Variants in RHOA observed in about 807,000 individuals in gnomAD.
The protein encoded by RHOA is transforming protein RhoA.
RHOA carries 3 observed loss-of-function variants against 17.5 expected under a neutral mutation model. The observed-to-expected ratio is 0.17, with a 90% CI of 0.08 to 0.44. RHOA has a LOEUF of 0.44. RHOA is among the 20% of genes least tolerant of loss of function. The pLI is 0.99. For synonymous variants in RHOA, 98 were observed against 88.4 expected (o/e 1.11, Z -0.61); for missense variants, 56 against 242.3 (o/e 0.23, Z 5.10).
chr3:49,367,085 G>A (rs1245239501), intron 3 of RHOA: 4 of 152,182 alleles, frequency 2.6e-5, no homozygotes, highest in African/African-American at 4.8e-5. Flanking sequence ...GCTCACGCCT[G>A]TAATCCCAGC....
chr3:49,374,769 T>C (rs1311320037), intron 2 of RHOA, among the ~76,000 whole-genome samples: 1 of 151,108 alleles, frequency 6.6e-6, no homozygotes, highest in African/African-American at 2.4e-5. Context: ...AAGGACACCA[T>C]GTCAAATACA....
chr3:49,363,889 T>C (rs1253514951), intron 3 of RHOA, among the ~76,000 whole-genome samples: 1 of 151,702 alleles, frequency 6.6e-6, no homozygotes, highest in Non-Finnish European at 1.5e-5. Context: ...CACAAAAACA[T>C]ACAAAAACTT....
At chr3:49,363,146 C>T (rs946561946) in intron 3 of RHOA, among the ~76,000 whole-genome samples, 2 of 152,120 alleles carry the variant, frequency 1.3e-5, no homozygotes, top group African/African-American at 4.8e-5. Flanking sequence ...TGGCCGGGAG[C>T]GGTGGCTCAT....
chr3:49,382,989 G>C (rs1256443407), intron 1 of RHOA, among the ~76,000 whole-genome samples: 1 of 152,008 alleles, frequency 6.6e-6, no homozygotes, highest in Non-Finnish European at 1.5e-5. Flanking sequence ...AGGAGGCAAA[G>C]GTTGCAGTGA....
chr3:49,410,607 T>C (rs892322026), intron 1 of RHOA, among the ~76,000 whole-genome samples: 4 of 152,232 alleles, frequency 2.6e-5, no homozygotes, highest in Non-Finnish European at 4.4e-5. Flanking sequence ...ATGTCACTTG[T>C]GCCAAATGCT....
chr3:49,362,424 G>T, intron 4 of RHOA, 72 bp downstream of exon 4: 1 of 1,477,232 alleles, frequency 6.8e-7, no homozygotes, highest in Non-Finnish European at 9.0e-7. Context: ...GGTTCCTGCT[G>T]GGCTCCCCAA....
chr3:49,382,150 T>C lies in RHOA; in HGVS notation c.-2-6559A>G, dbSNP rs1165733419. Among the ~76,000 whole-genome samples the C allele has an allele frequency of 2.6e-5, 4 of 151,308 alleles. 1 individual carries two copies. In the South Asian group the frequency reaches 6.3e-4, roughly 24 times the overall value. On this transcript the variant is annotated intron_variant, in intron 1 of 4. Transcript: ENST00000418115. The stretch of plus-strand genomic sequence containing the variant: ...CTGGCTAACATAGTGAAATCCCGTC[T>C]CTACTAAAAATACAAAAAATTAGCC...
chr3:49,360,954 C>T (rs2047957812), intron 4 of RHOA: 1 of 359,946 alleles, frequency 2.8e-6, no homozygotes, highest in Non-Finnish European at 5.5e-6. Flanking sequence ...GCGCCTGTAA[C>T]CCCAGCTACT....
intron 1 of RHOA, among the ~76,000 whole-genome samples, chr3:49,386,337 T>A (rs1428623766): frequency 6.6e-6 from 1 of 152,304 alleles, no homozygotes; most frequent in South Asian, 2.1e-4. Context: ...CTCCCACCAC[T>A]ACTTTGTAGA....
chr3:49,409,601 C>T (rs1228627279), intron 1 of RHOA, among the ~76,000 whole-genome samples: 3 of 152,094 alleles, frequency 2.0e-5, no homozygotes, highest in African/African-American at 4.8e-5. Flanking sequence ...CTCTCTAAGA[C>T]AATTAAAAAG....
chr3:49,399,630 T>A (rs1310733656), intron 1 of RHOA, among the ~76,000 whole-genome samples: 3 of 151,102 alleles, frequency 2.0e-5, no homozygotes, highest in Non-Finnish European at 4.4e-5. Flanking sequence ...CAGGCTGCAG[T>A]GCTGGAGTGC....
At chr3:49,369,717 T>C (rs912800545) in intron 2 of RHOA, among the ~76,000 whole-genome samples, 18 of 148,632 alleles carry the variant, frequency 1.2e-4, no homozygotes, top group African/African-American at 4.5e-4. Context: ...CACTCCAGCA[T>C]GGGCGACAAA....
intron 3 of RHOA, among the ~76,000 whole-genome samples, chr3:49,364,951 CAA>C (rs2048030625): frequency 6.6e-6 from 1 of 151,984 alleles, no homozygotes; most frequent in African/African-American, 2.4e-5. Context: ...GCCTGCGTGA[CAA>C]GAGCAAAAGT....
intron 1 of RHOA, among the ~76,000 whole-genome samples, chr3:49,387,758 A>AC (rs2048426083): frequency 2.6e-5 from 4 of 151,582 alleles, no homozygotes; most frequent in Admixed American, 1.3e-4. Flanking sequence ...AAAAACAAAA[A>AC]AAAAAACCCT....
In RHOA at chr3:49,384,294, T is replaced by C. The variant is rs574398409; in HGVS notation, c.-2-8703A>G. The stretch of plus-strand genomic sequence containing the variant: ...AGAAATTTTGCAGAATTATCTCTCC[T>C]TTCCACTTTGCTATAATGCAGCATT... On this transcript the variant is annotated intron_variant, in intron 1 of 4. Coordinates refer to ENST00000418115, the MANE Select transcript of RHOA (RefSeq NM_001664.4). 1.2e-4 allele frequency among the ~76,000 whole-genome samples: 19 copies of C among 152,300 alleles called. No individual in the cohort carries two copies. The South Asian group carries it at 3.9e-3, about 32-fold the overall frequency.
intron 1 of RHOA, among the ~76,000 whole-genome samples, chr3:49,398,450 T>C (rs2048656094): frequency 6.6e-6 from 1 of 151,654 alleles, no homozygotes; most frequent in Non-Finnish European, 1.5e-5. Flanking sequence ...AGGGGGTAAT[T>C]ACAGTGATAA....
chr3:49,394,779 T>C (rs1437199833), intron 1 of RHOA, among the ~76,000 whole-genome samples: 1 of 152,150 alleles, frequency 6.6e-6, no homozygotes, highest in African/African-American at 2.4e-5. Flanking sequence ...TTCTCTGGTA[T>C]GAACTCAGAG....
At chr3:49,376,807 T>C (rs533332075) in intron 1 of RHOA, among the ~76,000 whole-genome samples, 1 of 152,062 alleles carries the variant, frequency 6.6e-6, no homozygotes, top group South Asian at 2.1e-4. Flanking sequence ...TATTCCTTCT[T>C]TTACCAATCT....
At chr3:49,387,194 C>T (rs2048412320) in intron 1 of RHOA, among the ~76,000 whole-genome samples, 1 of 145,264 alleles carries the variant, frequency 6.9e-6, no homozygotes. Context: ...CCTGTAATCC[C>T]AGCACTTTGG....
Sources: gnomAD v4.1 joint callset for allele counts (sites outside exome capture counted in the v4.1 genomes callset) on GRCh38, gnomAD v4.1.1 for gene constraint, MANE v1.5 for transcripts, NCBI Gene and HGNC (gene_info 2026-07-23, HGNC 2026-07-21) for gene names.